The following SIPA1L2 variants were observed in gnomAD, a reference collection of about 807,000 sequenced individuals.
SIPA1L2 encodes signal induced proliferation associated 1 like 2, also known as signal-induced proliferation-associated 1-like protein 2.
Under a neutral mutation model 163.9 loss-of-function variants are expected in SIPA1L2, and 56 were observed. The observed-to-expected ratio is 0.34, with a 90% CI of 0.28 to 0.43. The LOEUF (loss-of-function observed/expected upper bound fraction) is 0.43. Ranked by LOEUF, SIPA1L2 falls within the 20% of genes least tolerant of loss-of-function variation. The pLI is 1.00. For missense variants in SIPA1L2, 1,974 were observed against 2,193.5 expected, an observed-to-expected ratio of 0.90 and a Z score of 2.00; for synonymous variants, 877 against 865.7, an observed-to-expected ratio of 1.01 and a Z score of -0.23.
chr1:232,549,573 C>T (rs1658258632), intron 2 of SIPA1L2, among the ~76,000 whole-genome samples: 1 of 152,050 alleles, frequency 6.6e-6, no homozygotes, highest in African/African-American at 2.4e-5. Flanking sequence ...ATGGGAGCTC[C>T]TATTATGTGG....
At chr1:232,437,342 T>G (rs975028132) in intron 15 of SIPA1L2, among the ~76,000 whole-genome samples, 5 of 152,222 alleles carry the variant, frequency 3.3e-5, no homozygotes, top group African/African-American at 7.2e-5. Flanking sequence ...CCACTATTCC[T>G]GAAATTAAGC....
intron 3 of SIPA1L2, among the ~76,000 whole-genome samples, chr1:232,499,157 T>G (rs1666343882): frequency 6.6e-6 from 1 of 152,116 alleles, no homozygotes; most frequent in Admixed American, 6.5e-5. Context: ...AACCCTACAA[T>G]GGCCCCTAAG....
At chr1:232,552,012 G>T (rs1001866112) in intron 2 of SIPA1L2, among the ~76,000 whole-genome samples, 99 of 152,104 alleles carry the variant, frequency 6.5e-4, no homozygotes, top group African/African-American at 2.3e-3. Context: ...GCTAATTTTT[G>T]TATTTTTAGT....
intron 17 of SIPA1L2, 114 bp from the exon 18 acceptor site, chr1:232,425,922 TTC>T: frequency 1.1e-6 from 1 of 937,928 alleles, no homozygotes; most frequent in Non-Finnish European, 1.6e-6. Context: ...TCTTTGAGTT[TTC>T]TCTGTTAGCT....
At chr1:232,399,494 C>T (rs1660203543) in intron 22 of SIPA1L2, among the ~76,000 whole-genome samples, 2 of 152,106 alleles carry the variant, frequency 1.3e-5, no homozygotes, top group Non-Finnish European at 2.9e-5. Flanking sequence ...TCATCCCACT[C>T]TGCTCCCATG....
In SIPA1L2 at chr1:232,530,226, C is replaced by T. The variant is rs530147636; in HGVS notation, c.-269-14618G>A. ...ACCTCCCAGGTTCAAGCGATTCCCCCGCCCAGCCTCCCAAGCAGCTGGGAC... is the reference window on the plus strand; with the variant it reads ...ACCTCCCAGGTTCAAGCGATTCCCCTGCCCAGCCTCCCAAGCAGCTGGGAC... On this transcript the variant is annotated intron_variant, in intron 2 of 22. Coordinates refer to ENST00000674635, the MANE Select transcript of SIPA1L2 (RefSeq NM_020808.5). Among the ~76,000 whole-genome samples the T allele has an allele frequency of 3.0e-3, 64 of 21,494 alleles. No individual in the cohort carries two copies. The African/African-American group carries it at 0.051, about 17-fold the overall frequency. The allele number at this position is 21,494 out of a possible 152,430, so 14.1% of individuals were successfully genotyped here.
At chr1:232,526,455 G>GC (rs1180232114) in intron 2 of SIPA1L2, among the ~76,000 whole-genome samples, 1 of 152,210 alleles carries the variant, frequency 6.6e-6, no homozygotes, top group Non-Finnish European at 1.5e-5. Context: ...CAGATCATGA[G>GC]ACATTAGAGT....
chr1:232,576,414 A>G (rs1660079168), intron 1 of SIPA1L2, among the ~76,000 whole-genome samples: 1 of 152,272 alleles, frequency 6.6e-6, no homozygotes, highest in South Asian at 2.1e-4. Flanking sequence ...GGCATGAGCC[A>G]CATTCATATA....
intron 2 of SIPA1L2, among the ~76,000 whole-genome samples, chr1:232,529,309 T>C (rs1232238090): frequency 6.6e-6 from 1 of 152,208 alleles, no homozygotes; most frequent in Non-Finnish European, 1.5e-5. Context: ...AATCTATGAC[T>C]CTTTTCCCCT....
At chr1:232,426,563 G>C (rs1347786756) in intron 17 of SIPA1L2, among the ~76,000 whole-genome samples, 2 of 152,212 alleles carry the variant, frequency 1.3e-5, no homozygotes, top group Non-Finnish European at 2.9e-5. Flanking sequence ...GGGAGGCTGA[G>C]GCAGGAGAAT....
intron 3 of SIPA1L2, among the ~76,000 whole-genome samples, chr1:232,507,176 ATTTT>A (rs11373672): frequency 6.8e-6 from 1 of 146,840 alleles, no homozygotes; most frequent in Non-Finnish European, 1.5e-5. Context: ...ACGGTCTGTG[ATTTT>A]TTTTTTTTTC....
At chr1:232,483,364 T>C (rs966377082) in intron 6 of SIPA1L2, among the ~76,000 whole-genome samples, 2 of 152,036 alleles carry the variant, frequency 1.3e-5, no homozygotes, top group Admixed American at 6.6e-5. Flanking sequence ...CTGGTTAACA[T>C]CATGAATCTG....
chr1:232,511,085 A>G (rs1269245852), intron 3 of SIPA1L2, among the ~76,000 whole-genome samples: 7 of 152,166 alleles, frequency 4.6e-5, no homozygotes, highest in Non-Finnish European at 8.8e-5. Flanking sequence ...TCCAAAAATA[A>G]CTAACTTCCA....
At chr1:232,510,505 ATTC>A (rs1666932801) in intron 3 of SIPA1L2, among the ~76,000 whole-genome samples, 1 of 152,166 alleles carries the variant, frequency 6.6e-6, no homozygotes, top group South Asian at 2.1e-4. Context: ...CTACACTCAG[ATTC>A]TTCTTTGGAG....
intron 19 of SIPA1L2, among the ~76,000 whole-genome samples, chr1:232,411,895 C>G (rs960612220): frequency 6.6e-6 from 1 of 152,096 alleles, no homozygotes; most frequent in Non-Finnish European, 1.5e-5. Flanking sequence ...TGTTTTGCTT[C>G]TCTTTTTCTT....
intron 8 of SIPA1L2, 56 bp downstream of exon 8, chr1:232,471,315 A>G: frequency 6.5e-7 from 1 of 1,541,000 alleles, no homozygotes; most frequent in South Asian, 1.3e-5. Flanking sequence ...TTTTGGGAAA[A>G]GACGCCCTGT....
At chr1:232,403,213 C>T (rs1171126396) in intron 21 of SIPA1L2, among the ~76,000 whole-genome samples, 3 of 152,248 alleles carry the variant, frequency 2.0e-5, no homozygotes, top group Non-Finnish European at 4.4e-5. Flanking sequence ...GGTCACAAGT[C>T]TTGGCAGGCA....
chr1:232,595,484 GCGGCTTCTGACTCCTTT>G (rs879284032), intron 1 of SIPA1L2, among the ~76,000 whole-genome samples: 2 of 152,172 alleles, frequency 1.3e-5, no homozygotes, highest in African/African-American at 2.4e-5. Context: ...GCTGCACCGG[GCGGCTTCTGACTCCTTT>G]CAGCTGTCAC....
chr1:232,597,191 C>T (rs1489446687), intron 1 of SIPA1L2, among the ~76,000 whole-genome samples: 1 of 152,134 alleles, frequency 6.6e-6, no homozygotes, highest in African/African-American at 2.4e-5. Flanking sequence ...CCTAACAATG[C>T]ACCGATGAAT....
Sources: allele counts gnomAD v4.1 joint callset (sites outside exome capture counted in the v4.1 genomes callset), GRCh38; gene constraint gnomAD v4.1.1; transcripts MANE v1.5; gene names NCBI Gene and HGNC (gene_info 2026-07-23, HGNC 2026-07-21).